Variants in RAB10 observed in about 807,000 individuals in gnomAD.
RAB10 encodes ras-related protein Rab-10.
A neutral mutation model predicts 25.7 loss-of-function variants in RAB10; 5 were observed. The observed-to-expected ratio is 0.19, with a 90% CI of 0.10 to 0.41. The LOEUF is 0.41. Ranked by LOEUF, RAB10 falls within the 10% of genes least tolerant of loss-of-function variation. The probability of loss-of-function intolerance (pLI) is 1.00; values close to 1 mark genes in which losing one functional copy is unlikely to be tolerated. For missense variants in RAB10, 103 were observed against 245.8 expected, an observed-to-expected ratio of 0.42 and a Z score of 3.89; for synonymous variants, 89 against 86.4, an observed-to-expected ratio of 1.03 and a Z score of -0.16.
chr2:26,118,266 G>A (rs1020719490), intron 3 of RAB10, among the ~76,000 whole-genome samples: 1 of 151,546 alleles, frequency 6.6e-6, no homozygotes, highest in Non-Finnish European at 1.5e-5. Flanking sequence ...CTACCACGCC[G>A]GCCAAAAAGA....
intron 3 of RAB10, among the ~76,000 whole-genome samples, chr2:26,120,280 TA>T (rs1467849821): frequency 6.6e-6 from 1 of 152,208 alleles, no homozygotes; most frequent in African/African-American, 2.4e-5. Context: ...TGGGAGCTTT[TA>T]AAACCATGCT....
intron 2 of RAB10, among the ~76,000 whole-genome samples, chr2:26,107,245 CAAAAAAAAAAA>C (rs57391958): frequency 1.5e-5 from 1 of 66,812 alleles, no homozygotes; most frequent in South Asian, 5.1e-4. Flanking sequence ...CACCCTGTTT[CAAAAAAAAAAA>C]AAAAAAAAAG....
At chr2:26,090,985 C>G (rs1290478695) in intron 1 of RAB10, among the ~76,000 whole-genome samples, 2 of 151,740 alleles carry the variant, frequency 1.3e-5, no homozygotes, top group East Asian at 3.9e-4. Context: ...AACCTTTGGC[C>G]TGAGGCGCTA....
chr2:26,079,909 C>T (rs1666831674), intron 1 of RAB10, among the ~76,000 whole-genome samples: 1 of 152,192 alleles, frequency 6.6e-6, no homozygotes, highest in Non-Finnish European at 1.5e-5. Flanking sequence ...ATCCACCTGC[C>T]TCAGCCTCCC....
chr2:26,084,150 A>G (rs1037592810), intron 1 of RAB10, among the ~76,000 whole-genome samples: 4 of 152,172 alleles, frequency 2.6e-5, no homozygotes, highest in Admixed American at 6.5e-5. Context: ...AAATAGTCAC[A>G]TGGCCTGTTC....
intron 3 of RAB10, among the ~76,000 whole-genome samples, chr2:26,113,733 C>T (rs1238126304): frequency 2.2e-5 from 3 of 134,714 alleles, no homozygotes; most frequent in Non-Finnish European, 4.7e-5. Flanking sequence ...TGCTGAGTTC[C>T]AGCCAGAGCT....
intron 1 of RAB10, among the ~76,000 whole-genome samples, chr2:26,056,897 C>G (rs376020210): frequency 1.3e-5 from 2 of 152,178 alleles, no homozygotes; most frequent in Admixed American, 6.6e-5. Context: ...GCTGGAATTA[C>G]AGGTGTGAGC....
At position 26,034,505 on chromosome 2, in the gene RAB10, C is replaced by T. The variant is rs1665719597; in HGVS notation, c.-104C>T. The T allele has an allele frequency of 2.0e-6, 3 of 1,494,232 alleles. No homozygotes were observed. The highest frequency in any genetic ancestry group is 2.4e-5 in the South Asian group (2 of 82,258). The allele number at this position is 1,494,232 out of a possible 1,614,324, so 92.6% of individuals were successfully genotyped here. ...CGTCTCGAGCCTTTTTCCCACGCTT[C>T]CCCGGTCCTCCGGCCTGAGAACGCC... On this transcript the variant is annotated 5_prime_UTR_variant, in exon 1 of 6. Coordinates refer to ENST00000264710, the MANE Select transcript of RAB10 (RefSeq NM_016131.5).
chr2:26,077,823 C>CA (rs1218539401), intron 1 of RAB10, among the ~76,000 whole-genome samples: 1 of 151,912 alleles, frequency 6.6e-6, no homozygotes, highest in Admixed American at 6.6e-5. Context: ...GTTAAAAATA[C>CA]AAAAAATTAG....
At chr2:26,131,679 A>T (rs1320743086) in intron 5 of RAB10, among the ~76,000 whole-genome samples, 1 of 151,992 alleles carries the variant, frequency 6.6e-6, no homozygotes, top group Non-Finnish European at 1.5e-5. Context: ...CTTACTCCCC[A>T]GGTAACTGAT....
chr2:26,073,462 C>CCA (rs1666670598), intron 1 of RAB10, among the ~76,000 whole-genome samples: 1 of 152,176 alleles, frequency 6.6e-6, no homozygotes, highest in Admixed American at 6.5e-5. Context: ...TGAGCTCAAG[C>CCA]CACAGCCACT....
intron 1 of RAB10, among the ~76,000 whole-genome samples, chr2:26,039,325 A>T: frequency 6.6e-6 from 1 of 151,118 alleles, no homozygotes; most frequent in African/African-American, 2.4e-5. Flanking sequence ...CTGGCCAAAT[A>T]GTCACATTTT....
intron 2 of RAB10, among the ~76,000 whole-genome samples, chr2:26,099,955 A>G (rs1037128243): frequency 2.0e-5 from 3 of 152,096 alleles, no homozygotes; most frequent in African/African-American, 7.2e-5. Flanking sequence ...ATTTTAAAGT[A>G]TCCTTTTCCT....
chr2:26,134,078 G>T (rs1668061990), intron 5 of RAB10, among the ~76,000 whole-genome samples: 1 of 152,180 alleles, frequency 6.6e-6, no homozygotes, highest in Admixed American at 6.5e-5. Context: ...GCTACTGTTA[G>T]TATTTTGTTG....
chr2:26,111,264 A>G (rs1440655957), intron 3 of RAB10, among the ~76,000 whole-genome samples: 1 of 152,198 alleles, frequency 6.6e-6, no homozygotes, highest in Non-Finnish European at 1.5e-5. Context: ...TGTTGCTACA[A>G]TAAATCTTTG....
intron 1 of RAB10, among the ~76,000 whole-genome samples, chr2:26,058,807 T>G (rs1017415559): frequency 1.3e-5 from 2 of 152,214 alleles, no homozygotes; most frequent in Non-Finnish European, 2.9e-5. Context: ...GTCTTCCCTT[T>G]CTATCCTATA....
intron 1 of RAB10, among the ~76,000 whole-genome samples, chr2:26,035,598 C>G (rs2149259280): frequency 6.6e-6 from 1 of 152,270 alleles, no homozygotes; most frequent in East Asian, 1.9e-4. Context: ...CCTTTTGAAT[C>G]TGGTTAGAAA....
At chr2:26,089,470 A>G (rs989957225) in intron 1 of RAB10, among the ~76,000 whole-genome samples, 5 of 151,694 alleles carry the variant, frequency 3.3e-5, no homozygotes, top group Non-Finnish European at 7.4e-5. Context: ...GAAGTGGTTA[A>G]GCAGTGGAGA....
chr2:26,105,799 T>A (rs1667454017), intron 2 of RAB10, among the ~76,000 whole-genome samples: 1 of 152,236 alleles, frequency 6.6e-6, no homozygotes, highest in Non-Finnish European at 1.5e-5. Context: ...TTACTGTACC[T>A]TTTCTATGTT....
Sources: gnomAD v4.1 joint callset for allele counts (sites outside exome capture counted in the v4.1 genomes callset) on GRCh38, gnomAD v4.1.1 for gene constraint, MANE v1.5 for transcripts, NCBI Gene and HGNC (gene_info 2026-07-23, HGNC 2026-07-21) for gene names.